The following ANK3 variants were observed in gnomAD, a reference collection of about 807,000 sequenced individuals.
ANK3 encodes ankyrin 3.
ANK3 carries 57 observed loss-of-function variants against 370.9 expected under a neutral mutation model. The ratio of observed to expected loss-of-function variants is 0.15; its 90% CI spans 0.12 to 0.19. The LOEUF is 0.19. Among genes scored for constraint, ANK3 ranks in the 10% least tolerant of loss-of-function variants. The probability of loss-of-function intolerance (pLI) is 1.00; values close to 1 mark genes in which losing one functional copy is unlikely to be tolerated. For synonymous variants in ANK3, 1,929 were observed against 1,946.3 expected (o/e 0.99, Z 0.23); for missense variants, 4,439 against 5,302.1 (o/e 0.84, Z 5.06).
chr10:60,377,569 T>C (rs865942019), intron 1 of ANK3, among the ~76,000 whole-genome samples: 2 of 152,170 alleles, frequency 1.3e-5, no homozygotes, highest in African/African-American at 2.4e-5. Flanking sequence ...ATAAAACAAA[T>C]GAGCAATACT....
chr10:60,723,850 G>T (rs1297793497), intron 1 of ANK3, among the ~76,000 whole-genome samples: 1 of 151,996 alleles, frequency 6.6e-6, no homozygotes, highest in African/African-American at 2.4e-5. Flanking sequence ...GATGACTAAA[G>T]CTGGGATCTA....
At chr10:60,158,995 T>G (rs1591009927) in intron 23 of ANK3, among the ~76,000 whole-genome samples, 2 of 152,042 alleles carry the variant, frequency 1.3e-5, no homozygotes, top group East Asian at 1.9e-4. Flanking sequence ...AAATCACTTT[T>G]ATACAAAGAA....
At chr10:60,392,012 C>T (rs983975737), upstream of ANK3, among the ~76,000 whole-genome samples, 1 of 152,180 alleles carries the variant, frequency 6.6e-6, no homozygotes, top group Non-Finnish European at 1.5e-5. Flanking sequence ...CATTTCTAAA[C>T]TAGAACTTTG....
intron 2 of ANK3, among the ~76,000 whole-genome samples, chr10:60,499,393 T>C (rs1027157847): frequency 2.0e-5 from 3 of 152,210 alleles, no homozygotes; most frequent in African/African-American, 7.2e-5. Flanking sequence ...ATTCTTATAA[T>C]ACATATTTTT....
At chr10:60,583,605 T>G (rs1301762866) in intron 2 of ANK3, among the ~76,000 whole-genome samples, 1 of 148,116 alleles carries the variant, frequency 6.8e-6, no homozygotes, top group Non-Finnish European at 1.5e-5. Context: ...CAGGCTGGAG[T>G]GCAGTGGCGC....
intron 2 of ANK3, among the ~76,000 whole-genome samples, chr10:60,511,716 T>C (rs2076085443): frequency 6.6e-6 from 1 of 151,882 alleles, no homozygotes; most frequent in Admixed American, 6.6e-5. Flanking sequence ...ATAAGCTCAG[T>C]TCCACCAGTA....
chr10:60,495,269 A>G (rs1424689673), intron 2 of ANK3, among the ~76,000 whole-genome samples: 2 of 152,214 alleles, frequency 1.3e-5, no homozygotes, highest in Non-Finnish European at 2.9e-5. Flanking sequence ...GTTAAGGCTC[A>G]TGCTATAGTT....
At chr10:60,510,362 G>C (rs2076048218) in intron 2 of ANK3, among the ~76,000 whole-genome samples, 1 of 151,980 alleles carries the variant, frequency 6.6e-6, no homozygotes, top group Non-Finnish European at 1.5e-5. Flanking sequence ...ACTTATCTTT[G>C]GGGCCAATCA....
At chr10:60,455,444 G>A (rs1197737716) in intron 2 of ANK3, among the ~76,000 whole-genome samples, 3 of 152,136 alleles carry the variant, frequency 2.0e-5, no homozygotes, top group Admixed American at 6.5e-5. Context: ...AACTTAAGCA[G>A]CAACAAATAA....
intron 23 of ANK3, among the ~76,000 whole-genome samples, chr10:60,142,405 A>G (rs1425381633): frequency 1.3e-5 from 2 of 151,986 alleles, no homozygotes; most frequent in Non-Finnish European, 2.9e-5. Flanking sequence ...AGTCTTTCCC[A>G]TTGGCTGGTG....
At position 60,080,707 on chromosome 10, in the gene ANK3, T is replaced by A; in HGVS notation, c.4351-89A>T. 4.0e-6 allele frequency: 4 copies of A among 1,000,174 alleles called. No homozygotes were observed. In the South Asian group the frequency reaches 6.2e-5, roughly 15 times the overall value. The allele number at this position is 1,000,174 out of a possible 1,614,324, so 62.0% of individuals were successfully genotyped here. On this transcript the variant is annotated intron_variant, in intron 35 of 43. Coordinates refer to ENST00000280772, the MANE Select transcript of ANK3 (RefSeq NM_020987.5). The stretch of plus-strand genomic sequence containing the variant: ...GACATTTTGTAGGATGGCATGTTGA[T>A]AACTTGTTTATTTTCCTTCTTAGGA...
At chr10:60,629,613 T>C (rs1245925668) in intron 1 of ANK3, among the ~76,000 whole-genome samples, 1 of 152,154 alleles carries the variant, frequency 6.6e-6, no homozygotes, top group African/African-American at 2.4e-5. Flanking sequence ...AAAGAGGTGA[T>C]GTCTAGAGAC....
intron 1 of ANK3, among the ~76,000 whole-genome samples, chr10:60,347,774 T>A (rs568670501): frequency 6.6e-6 from 1 of 152,174 alleles, no homozygotes; most frequent in Non-Finnish European, 1.5e-5. Context: ...CATCAGAATT[T>A]CTTTGTTAAG....
intron 1 of ANK3, among the ~76,000 whole-genome samples, chr10:60,626,300 AT>A (rs1482803427): frequency 1.3e-5 from 2 of 152,176 alleles, no homozygotes; most frequent in Non-Finnish European, 2.9e-5. Flanking sequence ...TAAAAAACAA[AT>A]TTGTGATAAT....
chr10:60,659,890 T>C (rs1379944756), intron 1 of ANK3, among the ~76,000 whole-genome samples: 1 of 152,064 alleles, frequency 6.6e-6, no homozygotes, highest in Non-Finnish European at 1.5e-5. Context: ...TTGAAACAAA[T>C]AAGATAAAAT....
intron 1 of ANK3, among the ~76,000 whole-genome samples, chr10:60,308,896 AC>A (rs1279679191): frequency 6.6e-6 from 1 of 152,074 alleles, no homozygotes; most frequent in African/African-American, 2.4e-5. Context: ...GCCTGGGGGA[AC>A]TTTTGCTTCG....
intron 8 of ANK3, among the ~76,000 whole-genome samples, chr10:60,233,842 A>ACC (rs2097287641): frequency 6.6e-6 from 1 of 152,212 alleles, no homozygotes; most frequent in Non-Finnish European, 1.5e-5. Context: ...CTGTTGTGTA[A>ACC]CAGATCTCTA....
intron 2 of ANK3, among the ~76,000 whole-genome samples, chr10:60,455,274 G>T (rs975762206): frequency 2.0e-5 from 3 of 152,112 alleles, no homozygotes; most frequent in Admixed American, 6.5e-5. Flanking sequence ...TCTCAGCGCT[G>T]CATGTTTTCT....
chr10:60,189,415 T>C (rs1210981071), intron 16 of ANK3, among the ~76,000 whole-genome samples: 1 of 152,148 alleles, frequency 6.6e-6, no homozygotes, highest in Non-Finnish European at 1.5e-5. Flanking sequence ...CTCTGTAATA[T>C]ATGCCAATTA....
Sources: gnomAD v4.1 joint callset for allele counts (sites outside exome capture counted in the v4.1 genomes callset) on GRCh38, gnomAD v4.1.1 for gene constraint, MANE v1.5 for transcripts, NCBI Gene and HGNC (gene_info 2026-07-23, HGNC 2026-07-21) for gene names.